Variants in FBXL20 observed in about 807,000 individuals in gnomAD.
The protein encoded by FBXL20 is F-box/LRR-repeat protein 20.
Under a neutral mutation model 64.0 loss-of-function variants are expected in FBXL20, and 11 were observed. The ratio of observed to expected loss-of-function variants is 0.17; its 90% CI spans 0.11 to 0.28. FBXL20 has a LOEUF of 0.28. Ranked by LOEUF, FBXL20 falls within the 10% of genes least tolerant of loss-of-function variation. The pLI, the probability that FBXL20 is intolerant of heterozygous loss-of-function variation, is 1.00. For missense variants in FBXL20, 303 were observed against 526.2 expected (o/e 0.58, Z 4.15); for synonymous variants, 184 against 189.0 (o/e 0.97, Z 0.22).
rs141133364 is a variant in FBXL20, at chr17:39,269,584, C to T, written c.889-713G>A. 9.9e-4 allele frequency among the ~76,000 whole-genome samples: 146 copies of T among 147,206 alleles called. 1 individual carries two copies. The highest frequency in any genetic ancestry group is 3.5e-3 in the African/African-American group (137 of 39,634). On this transcript the variant is annotated intron_variant, in intron 11 of 14. Transcript: ENST00000264658. ...CACGATCTCAGCTCACTGCAACCTCCGCCTCCCGGATTCAAGCGATTCTCC... is the reference window on the plus strand; with the variant it reads ...CACGATCTCAGCTCACTGCAACCTCTGCCTCCCGGATTCAAGCGATTCTCC...
At chr17:39,332,443 G>A (rs886984700) in intron 2 of FBXL20, among the ~76,000 whole-genome samples, 6 of 151,780 alleles carry the variant, frequency 4.0e-5, no homozygotes, top group Admixed American at 3.9e-4. Context: ...CACCCTGTGT[G>A]GTTCCACTGG....
chr17:39,372,616 ATTT>A (rs200200903), intron 1 of FBXL20, among the ~76,000 whole-genome samples: 96 of 138,628 alleles, frequency 6.9e-4, no homozygotes, highest in Non-Finnish European at 1.4e-3. Context: ...CTGTTTGATA[ATTT>A]TTTTTTTTTT....
intron 2 of FBXL20, among the ~76,000 whole-genome samples, chr17:39,339,893 G>A (rs767532382): frequency 4.6e-5 from 7 of 151,622 alleles, no homozygotes; most frequent in East Asian, 1.9e-4. Flanking sequence ...TGATCCGCCC[G>A]TCTCAGCCTC....
chr17:39,262,212 A>G (rs1022060418), intron 14 of FBXL20, among the ~76,000 whole-genome samples: 1 of 152,110 alleles, frequency 6.6e-6, no homozygotes, highest in African/African-American at 2.4e-5. Context: ...ACTGAGGCCA[A>G]CTCGAACTCA....
intron 2 of FBXL20, 141 bp from the exon 3 acceptor site, chr17:39,303,780 G>T: frequency 1.7e-6 from 1 of 596,066 alleles, no homozygotes. Context: ...TTGACTTCCT[G>T]GGGTCAGGTG....
intron 9 of FBXL20, among the ~76,000 whole-genome samples, chr17:39,280,953 G>A (rs754501471): frequency 2.0e-5 from 3 of 152,162 alleles, no homozygotes; most frequent in Non-Finnish European, 2.9e-5. Flanking sequence ...TTGTAGAGAC[G>A]GGGTTTTGTC....
chr17:39,380,810 GA>G (rs2144653898), intron 1 of FBXL20, among the ~76,000 whole-genome samples: 1 of 152,272 alleles, frequency 6.6e-6, no homozygotes, highest in East Asian at 1.9e-4. Flanking sequence ...TTAGTGATGA[GA>G]AAAATTTAAC....
chr17:39,368,075 G>A (rs185151927), intron 1 of FBXL20, among the ~76,000 whole-genome samples: 21 of 152,058 alleles, frequency 1.4e-4, no homozygotes, highest in Admixed American at 2.0e-4. Context: ...ACCACACCCC[G>A]CCTGTGAAAG....
intron 2 of FBXL20, among the ~76,000 whole-genome samples, chr17:39,322,434 C>G (rs2047365759): frequency 6.6e-6 from 1 of 152,048 alleles, no homozygotes; most frequent in South Asian, 2.1e-4. Flanking sequence ...AATACATAAA[C>G]TGAGTATTAA....
intron 7 of FBXL20, among the ~76,000 whole-genome samples, chr17:39,284,506 G>A (rs1486944990): frequency 6.6e-6 from 1 of 152,134 alleles, no homozygotes; most frequent in East Asian, 1.9e-4. Flanking sequence ...TCAGTCCCCT[G>A]AGCAGCTGGG....
At chr17:39,398,791 C>G (rs2048212491) in intron 1 of FBXL20, among the ~76,000 whole-genome samples, 1 of 152,070 alleles carries the variant, frequency 6.6e-6, no homozygotes, top group African/African-American at 2.4e-5. Context: ...TCTCCTGCCT[C>G]AGCCTCCTGA....
At chr17:39,357,471 CAT>C (rs2047753677) in intron 1 of FBXL20, among the ~76,000 whole-genome samples, 1 of 152,128 alleles carries the variant, frequency 6.6e-6, no homozygotes, top group Non-Finnish European at 1.5e-5. Flanking sequence ...TTCTCTGTCT[CAT>C]ATCTTTTGTT....
chr17:39,311,003 C>A (rs931556415), intron 2 of FBXL20, among the ~76,000 whole-genome samples: 2 of 150,436 alleles, frequency 1.3e-5, no homozygotes, highest in African/African-American at 4.9e-5. Flanking sequence ...AAAAAAAAAA[C>A]ACACAAAAAA....
chr17:39,389,614 C>T (rs1296581616), intron 1 of FBXL20, among the ~76,000 whole-genome samples: 12 of 152,064 alleles, frequency 7.9e-5, no homozygotes, highest in Admixed American at 5.2e-4. Flanking sequence ...GTTAGGAGAT[C>T]GAGACCATCC....
At chr17:39,350,392 G>A (rs1235419380) in intron 1 of FBXL20, among the ~76,000 whole-genome samples, 4 of 152,104 alleles carry the variant, frequency 2.6e-5, no homozygotes, top group Admixed American at 1.3e-4. Flanking sequence ...GGGAGGCAGA[G>A]GCAGAAGAAT....
intron 1 of FBXL20, among the ~76,000 whole-genome samples, chr17:39,363,820 A>AAAAAAACAAAAAACAAAAAAC (rs1740171845): frequency 9.6e-6 from 1 of 104,006 alleles, no homozygotes; most frequent in African/African-American, 5.2e-5. Flanking sequence ...CAAAAAAAAA[A>AAAAAAACAAAAAACAAAAAAC]AAAAAACAAA....
intron 2 of FBXL20, among the ~76,000 whole-genome samples, chr17:39,313,226 T>C (rs1002777558): frequency 6.8e-6 from 1 of 146,908 alleles, no homozygotes; most frequent in African/African-American, 2.5e-5. Context: ...CATCTTTTTG[T>C]TTTTTTCTTA....
chr17:39,266,936 G>A (rs1480265006), intron 12 of FBXL20, among the ~76,000 whole-genome samples: 1 of 152,142 alleles, frequency 6.6e-6, no homozygotes. Flanking sequence ...CAGGAGGATT[G>A]CTTGAGGTTA....
intron 1 of FBXL20, among the ~76,000 whole-genome samples, chr17:39,345,001 A>C (rs575122250): frequency 2.9e-4 from 44 of 152,322 alleles, no homozygotes; most frequent in Middle Eastern, 3.4e-3. Flanking sequence ...CATGACTGTA[A>C]GCTTATCTAG....
Sources: allele counts gnomAD v4.1 joint callset (sites outside exome capture counted in the v4.1 genomes callset), GRCh38; gene constraint gnomAD v4.1.1; transcripts MANE v1.5; gene names NCBI Gene and HGNC (gene_info 2026-07-23, HGNC 2026-07-21).